The following GDPD4 variants were observed in gnomAD, a reference collection of about 807,000 sequenced individuals.
The protein encoded by GDPD4 is glycerophosphodiester phosphodiesterase 6.
Under a neutral mutation model 67.8 loss-of-function variants are expected in GDPD4, and 60 were observed. The ratio of observed to expected loss-of-function variants is 0.88; its 90% CI spans 0.72 to 1.10. The LOEUF (loss-of-function observed/expected upper bound fraction) is 1.10, where lower values mean the gene tolerates loss of function less well. Ranked by LOEUF, GDPD4 falls within the 50% of genes least tolerant of loss-of-function variation. The pLI, the probability that GDPD4 is intolerant of heterozygous loss-of-function variation, is 0.00. For missense variants in GDPD4, 623 were observed against 613.9 expected, an observed-to-expected ratio of 1.01 and a Z score of -0.16; for synonymous variants, 212 against 210.9, an observed-to-expected ratio of 1.00 and a Z score of -0.04.
chr11:77,229,049 A>G, intron 15 of GDPD4, 101 bp downstream of exon 15: 1 of 593,104 alleles, frequency 1.7e-6, no homozygotes, highest in Non-Finnish European at 2.9e-6. Flanking sequence ...CCATCTTGCC[A>G]TGTGGGATTA....
At chr11:77,271,251 A>G in intron 6 of GDPD4, 28 bp from the exon 7 acceptor site, 1 of 1,607,742 alleles carries the variant, frequency 6.2e-7, no homozygotes, top group Non-Finnish European at 8.5e-7. Context: ...GTCAGGCTGG[A>G]TACATCTAGA....
intron 12 of GDPD4, among the ~76,000 whole-genome samples, chr11:77,244,618 C>T (rs1230966242): frequency 1.3e-5 from 2 of 152,048 alleles, no homozygotes. Flanking sequence ...GCAAGAGGAT[C>T]CCTTGAGCCC....
Position 77,269,067 on chromosome 11 carries a change from G to C in GDPD4, c.481C>G (p.Leu161Val), listed in dbSNP as rs764329686. The change falls in exon 9 of 17, where the codon CTA (leucine) becomes GTA (valine). Residue 161 changes from leucine (L) to valine (V), a missense_variant and splice_region_variant. By Grantham distance (32) the Leu-to-Val change is conservative. Coordinates refer to ENST00000315938, the MANE Select transcript of GDPD4 (RefSeq NM_182833.3). ...QCNVITRLRG[L>V]QVPVGLPFLL... ...AAGGGTAATCCAACAGGCACTTGTA[G>C]ACCTGAAAAATTTGAAAGGAAGGGG... 5 of 1,612,038 alleles carry C rather than the reference G, an allele frequency of 3.1e-6. No individual in the cohort carries two copies. In the East Asian group the frequency reaches 8.9e-5, roughly 29 times the overall value.
At chr11:77,219,077 G>A (rs1322384027) in intron 16 of GDPD4, among the ~76,000 whole-genome samples, 2 of 152,124 alleles carry the variant, frequency 1.3e-5, no homozygotes, top group Admixed American at 1.3e-4. Flanking sequence ...TTTAATGATT[G>A]CCATTCTAAC....
rs190866624 is a variant in GDPD4 at position 77,255,369 on chromosome 11, C to T, written c.864+3017G>A. Among the ~76,000 whole-genome samples, 5 of 152,186 alleles carry T rather than the reference C, an allele frequency of 3.3e-5. No individual in the cohort carries two copies. The East Asian group carries it at 9.7e-4, about 29-fold the overall frequency. ...ATCACCTGAGGTTAGGAGTTCGAGG[C>T]CAGCCTGGTCAACATGGTGAAACCC... is the stretch of plus-strand genomic sequence containing the variant. On this transcript the variant is annotated intron_variant, in intron 11 of 16. Transcript: ENST00000315938.
At chr11:77,272,858 T>C (rs1959281622) in intron 5 of GDPD4, among the ~76,000 whole-genome samples, 1 of 152,102 alleles carries the variant, frequency 6.6e-6, no homozygotes, top group Non-Finnish European at 1.5e-5. Flanking sequence ...TCTCCCGTAT[T>C]AGTATACATT....
chr11:77,271,092 C>G (rs902826223), intron 7 of GDPD4, 38 bp downstream of exon 7: 20 of 1,415,744 alleles, frequency 1.4e-5, no homozygotes, highest in Non-Finnish European at 2.0e-5. Context: ...AAAGCCAGAG[C>G]TGAAGAAATA....
At chr11:77,293,475 G>T (rs1204047272) in intron 1 of GDPD4, among the ~76,000 whole-genome samples, 2 of 151,526 alleles carry the variant, frequency 1.3e-5, no homozygotes, top group Non-Finnish European at 2.9e-5. Flanking sequence ...CATCCCTGTA[G>T]TCCCAGCTTC....
chr11:77,267,872 C>T (rs936445337), intron 10 of GDPD4, among the ~76,000 whole-genome samples: 5 of 152,074 alleles, frequency 3.3e-5, no homozygotes, highest in South Asian at 2.1e-4. Context: ...ATTTTTCCTT[C>T]GAGGCTCAAC....
intron 13 of GDPD4, among the ~76,000 whole-genome samples, chr11:77,239,233 A>C (rs547727264): frequency 1.3e-5 from 2 of 152,342 alleles, no homozygotes; most frequent in East Asian, 1.9e-4. Flanking sequence ...GCCACAACTA[A>C]AATCATACTC....
intron 10 of GDPD4, among the ~76,000 whole-genome samples, chr11:77,267,209 G>A (rs549913000): frequency 1.1e-4 from 17 of 152,348 alleles, no homozygotes; most frequent in Middle Eastern, 3.4e-3. Flanking sequence ...CAGGCTTGCA[G>A]CCGAAGAGTA....
intron 10 of GDPD4, among the ~76,000 whole-genome samples, chr11:77,263,963 C>T (rs575781503): frequency 6.6e-6 from 1 of 152,278 alleles, no homozygotes; most frequent in South Asian, 2.1e-4. Flanking sequence ...CTTCCATGGA[C>T]TTCCAGTGAC....
At chr11:77,280,014 A>G (rs984598860) in intron 3 of GDPD4, among the ~76,000 whole-genome samples, 1 of 152,218 alleles carries the variant, frequency 6.6e-6, no homozygotes, top group Non-Finnish European at 1.5e-5. Flanking sequence ...TTTAAGAATT[A>G]AACTATAGGT....
intron 11 of GDPD4, among the ~76,000 whole-genome samples, chr11:77,250,645 T>C (rs1161020981): frequency 6.6e-6 from 1 of 152,188 alleles, no homozygotes; most frequent in Non-Finnish European, 1.5e-5. Context: ...ATAGCTATTT[T>C]ATGAAGTATT....
chr11:77,261,295 C>T (rs573218310), intron 10 of GDPD4, among the ~76,000 whole-genome samples: 47 of 151,654 alleles, frequency 3.1e-4, no homozygotes, highest in East Asian at 1.9e-4. Flanking sequence ...TGGAGTGTAG[C>T]GGTGCCATCT....
chr11:77,226,483 A>G (rs1354766396), intron 16 of GDPD4, among the ~76,000 whole-genome samples: 1 of 152,178 alleles, frequency 6.6e-6, no homozygotes, highest in Non-Finnish European at 1.5e-5. Context: ...CACAGTGAGA[A>G]GGCAGCTGCA....
rs541489150 is a variant in GDPD4, at chr11:77,218,176, ATATCTT to A, written c.1526-868_1526-863del. Among the ~76,000 whole-genome samples, 38 of 152,054 alleles carry A rather than the reference ATATCTT, an allele frequency of 2.5e-4. 1 individual carries two copies. The highest frequency in any genetic ancestry group is 2.1e-4 in the South Asian group (1 of 4,820). On this transcript the variant is annotated intron_variant, in intron 16 of 16. Coordinates refer to ENST00000315938, the MANE Select transcript of GDPD4 (RefSeq NM_182833.3). Reference sequence around the variant, plus strand: ...GAATTTTTAGATCAATTCCATGACAATATCTTTATAACTTTTCTAATTCATGAACAT... The same window carrying A: ...GAATTTTTAGATCAATTCCATGACAATATAACTTTTCTAATTCATGAACAT...
intron 11 of GDPD4, among the ~76,000 whole-genome samples, chr11:77,251,210 CTT>C (rs1468866283): frequency 6.6e-6 from 1 of 151,968 alleles, no homozygotes; most frequent in Non-Finnish European, 1.5e-5. Context: ...TTTGTATATT[CTT>C]TGTTTCTTCT....
chr11:77,276,324 A>C (rs966658721), intron 4 of GDPD4, 104 bp from the exon 5 acceptor site: 9 of 839,122 alleles, frequency 1.1e-5, no homozygotes, highest in Non-Finnish European at 1.8e-5. Context: ...CTAGCAGTAC[A>C]CTCATTTCTT....
Sources: allele counts gnomAD v4.1 joint callset (sites outside exome capture counted in the v4.1 genomes callset), GRCh38; gene constraint gnomAD v4.1.1; transcripts MANE v1.5; gene names NCBI Gene and HGNC (gene_info 2026-07-23, HGNC 2026-07-21).